ADAM32: variants seen among roughly 807,000 people sequenced by gnomAD.
ADAM32 encodes the protein ADAM metallopeptidase domain 32.
ADAM32 carries 89 observed loss-of-function variants against 114.9 expected under a neutral mutation model. That is an observed-to-expected ratio of 0.77 (90% CI 0.65 to 0.92). The LOEUF (loss-of-function observed/expected upper bound fraction) is 0.92. ADAM32 is among the 40% of genes least tolerant of loss of function. The probability of loss-of-function intolerance (pLI) is 0.00; values close to 1 mark genes in which losing one functional copy is unlikely to be tolerated. For missense variants in ADAM32, 870 were observed against 932.8 expected (o/e 0.93, Z 0.88); for synonymous variants, 285 against 307.5 (o/e 0.93, Z 0.77).
At chr8:39,137,897 A>G (rs1443783966) in intron 3 of ADAM32, among the ~76,000 whole-genome samples, 1 of 152,234 alleles carries the variant, frequency 6.6e-6, no homozygotes, top group Non-Finnish European at 1.5e-5. Context: ...TGATAACGCA[A>G]AGATCTTTGT....
intron 6 of ADAM32, among the ~76,000 whole-genome samples, chr8:39,155,519 AATGG>A (rs1804091187): frequency 6.6e-6 from 1 of 152,180 alleles, no homozygotes; most frequent in African/African-American, 2.4e-5. Flanking sequence ...TAAAATAGTC[AATGG>A]ATGGATTAAT....
chr8:39,166,429 A>G (rs1318837110), intron 9 of ADAM32: 1 of 151,930 alleles, frequency 6.6e-6, no homozygotes, highest in Non-Finnish European at 1.5e-5. Flanking sequence ...TTTTTTATCC[A>G]CTGGTTGATT....
At position 39,151,389 on chromosome 8, in the gene ADAM32, A is replaced by G. The variant is rs1229166723; in HGVS notation, c.366A>G (p.Gln122=). Residue 122 remains glutamine (Q), a synonymous_variant, in exon 6 of 25, where the codon CAA becomes CAG. Coordinates refer to ENST00000379907, the MANE Select transcript of ADAM32 (RefSeq NM_145004.7). The part of the protein sequence containing the change: ...STCSGLRGIL[Q]FENVSYGIEP... ...CATAATTTCACAGAGGAATACTGCAATTTGAAAATGTTTCTTATGGAATTG... is the reference window on the plus strand; with the variant it reads ...CATAATTTCACAGAGGAATACTGCAGTTTGAAAATGTTTCTTATGGAATTG... 1.0e-5 allele frequency: 16 copies of G among 1,589,554 alleles called. No individual in the cohort carries two copies. Among genetic ancestry groups the G allele is most frequent in the African/African-American group, 1.4e-5 (1 of 73,542 alleles).
At chr8:39,212,202 G>A (rs1035822563) in intron 12 of ADAM32, among the ~76,000 whole-genome samples, 1 of 151,978 alleles carries the variant, frequency 6.6e-6, no homozygotes, top group Non-Finnish European at 1.5e-5. Context: ...TTTTAGTAGA[G>A]ACGGTTTCAT....
intron 17 of ADAM32, 24 bp downstream of exon 17, chr8:39,246,190 A>T (rs202059066): frequency 6.3e-7 from 1 of 1,599,454 alleles, no homozygotes; most frequent in East Asian, 2.2e-5. Context: ...TGTTTCCCTG[A>T]ATCACATTTC....
chr8:39,276,429 C>T (rs1813075364), intron 22 of ADAM32: 1 of 152,142 alleles, frequency 6.6e-6, no homozygotes, highest in Non-Finnish European at 1.5e-5. Flanking sequence ...TAGTTCCTCA[C>T]ACTCAGCAAT....
rs927257410 is a variant in ADAM32 at position 39,203,226 on chromosome 8, A to T, written c.1053-7918A>T. 4.6e-5 allele frequency among the ~76,000 whole-genome samples: 7 copies of T among 151,958 alleles called. No homozygotes were observed. In the South Asian group the frequency reaches 8.3e-4, roughly 18 times the overall value. On this transcript the variant is annotated intron_variant, in intron 11 of 24. Coordinates refer to ENST00000379907, the MANE Select transcript of ADAM32 (RefSeq NM_145004.7). Reference sequence around the variant, plus strand: ...CTCATTGATCTGTCTAATGTTGACAATGGGGTGTTAAAGTCTCCCATTATT... The same window carrying T: ...CTCATTGATCTGTCTAATGTTGACATTGGGGTGTTAAAGTCTCCCATTATT...
intron 10 of ADAM32, among the ~76,000 whole-genome samples, chr8:39,170,363 A>G (rs948436738): frequency 2.6e-5 from 4 of 152,182 alleles, no homozygotes; most frequent in African/African-American, 7.2e-5. Context: ...AAATCAAAAC[A>G]AAAACCAGAT....
At chr8:39,153,219 C>T (rs553244910) in intron 6 of ADAM32, among the ~76,000 whole-genome samples, 1 of 152,270 alleles carries the variant, frequency 6.6e-6, no homozygotes, top group East Asian at 1.9e-4. Flanking sequence ...TCAATGCTAG[C>T]AAATATATAT....
At chr8:39,139,508 G>T (rs1803010531) in intron 3 of ADAM32, among the ~76,000 whole-genome samples, 1 of 152,038 alleles carries the variant, frequency 6.6e-6, no homozygotes, top group Admixed American at 6.5e-5. Context: ...TATTTCTGAG[G>T]CCTCCGTTCT....
chr8:39,241,016 A>G (rs115062084), intron 16 of ADAM32, among the ~76,000 whole-genome samples: 8,187 of 152,300 alleles, frequency 0.054, 754 homozygotes, highest in African/African-American at 0.19. Flanking sequence ...CCTAGATACA[A>G]TAGGGGTATA....
rs1295700271 is a variant in ADAM32, at chr8:39,214,424, TTC to T, written c.1233+3104_1233+3105del. ...ATCTCATTGTAGTTTTGATTTGCAA[TTC>T]TCTGTTACTCATTGATGTTGAACCC... On this transcript the variant is annotated intron_variant, in intron 12 of 24. Transcript: ENST00000379907. 5.3e-5 allele frequency among the ~76,000 whole-genome samples: 8 copies of T among 152,322 alleles called. No homozygotes were observed. In the East Asian group the frequency reaches 1.5e-3, roughly 29 times the overall value.
intron 2 of ADAM32, among the ~76,000 whole-genome samples, chr8:39,120,487 C>A (rs1456600621): frequency 6.6e-6 from 1 of 152,058 alleles, no homozygotes; most frequent in Non-Finnish European, 1.5e-5. Context: ...CTGGGCCGGG[C>A]ACGGTGGCTC....
chr8:39,167,939 G>A (rs1398560503), intron 9 of ADAM32: 2 of 152,068 alleles, frequency 1.3e-5, no homozygotes, highest in African/African-American at 4.8e-5. Flanking sequence ...GAGCTTTCTG[G>A]AGGAGTCTTT....
chr8:39,145,966 A>G (rs1443631085), intron 3 of ADAM32, among the ~76,000 whole-genome samples: 1 of 152,034 alleles, frequency 6.6e-6, no homozygotes, highest in Non-Finnish European at 1.5e-5. Context: ...CCTGAGCCCA[A>G]AGCAATCCCT....
intron 19 of ADAM32, 71 bp downstream of exon 19, chr8:39,257,414 A>C: frequency 2.0e-6 from 3 of 1,530,958 alleles, no homozygotes; most frequent in Non-Finnish European, 2.7e-6. Context: ...AGACAATATC[A>C]CGAGCAGTAG....
intron 7 of ADAM32, among the ~76,000 whole-genome samples, chr8:39,162,371 T>C (rs1037709021): frequency 2.6e-5 from 4 of 152,076 alleles, no homozygotes; most frequent in African/African-American, 9.7e-5. Flanking sequence ...TAGTATTCCA[T>C]GGTGTATATG....
intron 2 of ADAM32, among the ~76,000 whole-genome samples, chr8:39,119,684 CA>C (rs1170785347): frequency 6.6e-6 from 1 of 152,134 alleles, no homozygotes; most frequent in Non-Finnish European, 1.5e-5. Flanking sequence ...TTCTCAAACA[CA>C]AACATTTTCA....
At chr8:39,141,687 C>T (rs995260331) in intron 3 of ADAM32, among the ~76,000 whole-genome samples, 12 of 152,106 alleles carry the variant, frequency 7.9e-5, no homozygotes, top group African/African-American at 2.9e-4. Context: ...GTGGAGAGTT[C>T]TGTATATGTC....
Sources: allele counts gnomAD v4.1 joint callset (sites outside exome capture counted in the v4.1 genomes callset), GRCh38; gene constraint gnomAD v4.1.1; transcripts MANE v1.5; gene names NCBI Gene and HGNC (gene_info 2026-07-23, HGNC 2026-07-21).